Variants in WT1 observed in about 807,000 individuals in gnomAD.
The protein encoded by WT1 is Wilms tumor protein.
A neutral mutation model predicts 60.8 loss-of-function variants in WT1; 8 were observed. That is an observed-to-expected ratio of 0.13 (90% confidence interval 0.08 to 0.24). WT1 has a LOEUF of 0.24. WT1 is among the 10% of genes least tolerant of loss of function. The pLI is 1.00. For missense variants in WT1, 568 were observed against 711.8 expected (o/e 0.80, Z 2.30); for synonymous variants, 312 against 297.1 (o/e 1.05, Z -0.52).
At chr11:32,418,975 A>G (rs1434134839) in intron 3 of WT1, among the ~76,000 whole-genome samples, 2 of 152,336 alleles carry the variant, frequency 1.3e-5, no homozygotes, top group East Asian at 1.9e-4. Flanking sequence ...GTGCCGTTTC[A>G]TTAGTCAGTG....
At chr11:32,403,699 T>C (rs1852224997) in intron 5 of WT1, among the ~76,000 whole-genome samples, 1 of 151,504 alleles carries the variant, frequency 6.6e-6, no homozygotes, top group Non-Finnish European at 1.5e-5. Context: ...CTCAGTCTTC[T>C]GAGTAGCTGG....
intron 1 of WT1, chr11:32,430,451 GGA>G (rs1491221023): frequency 3.9e-4 from 359 of 922,322 alleles, no homozygotes; most frequent in South Asian, 9.9e-4. Flanking sequence ...AGAGAGAGAG[GGA>G]GGGAGAGAGA....
chr11:32,390,375 C>G (rs1851780281), intron 9 of WT1, among the ~76,000 whole-genome samples: 1 of 152,156 alleles, frequency 6.6e-6, no homozygotes, highest in African/African-American at 2.4e-5. Flanking sequence ...GTCACACTTA[C>G]TTGGGGAGTG....
chr11:32,396,927 G>A (rs1851993255), intron 6 of WT1, among the ~76,000 whole-genome samples: 1 of 152,214 alleles, frequency 6.6e-6, no homozygotes, highest in African/African-American at 2.4e-5. Context: ...TAAATAACAA[G>A]GAAGAAGAAG....
At position 32,399,961 on chromosome 11, in the gene WT1, A is replaced by C. The variant is rs150194429; in HGVS notation, c.1100T>G (p.Phe367Cys). The change falls in exon 6 of 10, where the codon TTC (phenylalanine) becomes TGC (cysteine). Residue 367 changes from phenylalanine to cysteine, a missense_variant. Physicochemically the swap from Phe to Cys is radical, Grantham distance 205. This residue lies in a region of WT1 where 523 missense variants were observed against 565.1 expected (regional missense o/e 0.93). Coordinates refer to ENST00000452863, the MANE Select transcript of WT1 (RefSeq NM_024426.6). ...CTGTGTGCTCACCTGAATGCCTCTG[A>C]AGACACCGTGCGTGTGTATTCTGTA... is the stretch of plus-strand genomic sequence containing the variant. The C allele has an allele frequency of 1.1e-5, 17 of 1,614,084 alleles. No homozygotes were observed. The highest frequency in any genetic ancestry group is 1.3e-5 in the African/African-American group (1 of 74,926).
At chr11:32,419,627 C>G (rs1199943277) in intron 3 of WT1, among the ~76,000 whole-genome samples, 1 of 152,210 alleles carries the variant, frequency 6.6e-6, no homozygotes, top group Non-Finnish European at 1.5e-5. Flanking sequence ...TGGAAATTTT[C>G]TCACAGACTT....
At chr11:32,391,318 G>T (rs1308994260) in intron 9 of WT1, among the ~76,000 whole-genome samples, 1 of 152,162 alleles carries the variant, frequency 6.6e-6, no homozygotes, top group Non-Finnish European at 1.5e-5. Flanking sequence ...TGTGAAGATA[G>T]ACTTAGATAA....
Position 32,411,068 on chromosome 11 carries a change from T to TACACAGACACACAC in WT1, c.1016+5421_1016+5422insGTGTGTGTCTGTGT, listed in dbSNP as rs1554942487. On this transcript the variant is annotated intron_variant, in intron 5 of 9. Transcript: ENST00000452863. ...TCTGATGTAACCTCTCCCTCTCCAA[T>TACACAGACACACAC]ACACACACACACACACACACACACA... Among the ~76,000 whole-genome samples, 39 of 145,796 alleles carry TACACAGACACACAC rather than the reference T, an allele frequency of 2.7e-4. 1 individual carries two copies. In the East Asian group the frequency reaches 6.1e-3, roughly 23 times the overall value.
At chr11:32,420,673 C>T (rs1206352513) in intron 3 of WT1, among the ~76,000 whole-genome samples, 2 of 152,052 alleles carry the variant, frequency 1.3e-5, no homozygotes, top group African/African-American at 2.4e-5. Context: ...CCTCTCATTA[C>T]CATTTATATA....
At chr11:32,421,371 G>T (rs979467099) in intron 3 of WT1, among the ~76,000 whole-genome samples, 4 of 152,236 alleles carry the variant, frequency 2.6e-5, no homozygotes, top group African/African-American at 9.6e-5. Flanking sequence ...GACCACTGTG[G>T]TCACGTAGGC....
At chr11:32,418,282 A>G (rs894221193) in intron 3 of WT1, among the ~76,000 whole-genome samples, 9 of 150,718 alleles carry the variant, frequency 6.0e-5, no homozygotes, top group African/African-American at 1.9e-4. Context: ...ATAAGACTCT[A>G]TGAGGGAAAT....
intron 5 of WT1, among the ~76,000 whole-genome samples, chr11:32,406,424 T>C (rs1440373973): frequency 6.6e-6 from 1 of 152,056 alleles, no homozygotes; most frequent in Non-Finnish European, 1.5e-5. Context: ...CGAGGGATGG[T>C]GTGGCTATAA....
At chr11:32,428,381 A>C (rs1047521501) in intron 2 of WT1, 116 bp downstream of exon 2, 2 of 1,541,230 alleles carry the variant, frequency 1.3e-6, no homozygotes, top group Non-Finnish European at 1.8e-6. Context: ...AATGATTTCT[A>C]AGGTCCTTTT....
intron 1 of WT1, among the ~76,000 whole-genome samples, chr11:32,434,258 C>T (rs1027840484): frequency 6.6e-6 from 1 of 152,252 alleles, no homozygotes; most frequent in Non-Finnish European, 1.5e-5. Context: ...CAGGCGCTCA[C>T]CCCCGCGCTG....
intron 5 of WT1, among the ~76,000 whole-genome samples, chr11:32,411,694 G>A (rs1852503072): frequency 6.6e-6 from 1 of 152,166 alleles, no homozygotes; most frequent in Non-Finnish European, 1.5e-5. Flanking sequence ...AACAGCCAGG[G>A]AGGAGAAAGA....
chr11:32,411,392 C>A (rs1051504846), intron 5 of WT1, among the ~76,000 whole-genome samples: 2 of 152,160 alleles, frequency 1.3e-5, no homozygotes, highest in Non-Finnish European at 2.9e-5. Flanking sequence ...ATGACAACTT[C>A]GTGATGGCCT....
chr11:32,416,270 T>A (rs143285899), intron 5 of WT1, among the ~76,000 whole-genome samples: 101 of 152,212 alleles, frequency 6.6e-4, no homozygotes, highest in Admixed American at 6.0e-3. Flanking sequence ...TTTTTTACAT[T>A]GTTTTCCAGG....
chr11:32,390,483 AG>A (rs1460683698), intron 9 of WT1, among the ~76,000 whole-genome samples: 1 of 152,222 alleles, frequency 6.6e-6, no homozygotes, highest in East Asian at 1.9e-4. Flanking sequence ...AAGGGAAGCA[AG>A]ATCCCATCCT....
chr11:32,397,482 A>T (rs895705816), intron 6 of WT1, among the ~76,000 whole-genome samples: 21 of 139,682 alleles, frequency 1.5e-4, no homozygotes, highest in African/African-American at 3.4e-4. Context: ...TGCCCAGCTA[A>T]TTTTTTTTTT....
Sources: allele counts gnomAD v4.1 joint callset (sites outside exome capture counted in the v4.1 genomes callset), GRCh38; gene constraint gnomAD v4.1.1; regional missense constraint gnomAD v4.1.1; transcripts MANE v1.5; gene names NCBI Gene and HGNC (gene_info 2026-07-23, HGNC 2026-07-21).